Variants in NBAS observed in about 807,000 individuals in gnomAD.
The protein encoded by NBAS is NBAS subunit of NRZ tethering complex, also known as NAG/BC035112 fusion.
NBAS carries 219 observed loss-of-function variants against 302.5 expected under a neutral mutation model. The ratio of observed to expected loss-of-function variants is 0.72; its 90% confidence interval spans 0.65 to 0.81. The LOEUF is 0.81. Ranked by LOEUF, NBAS falls within the 30% of genes least tolerant of loss-of-function variation. NBAS has a pLI of 0.00. For synonymous variants in NBAS, 1,118 were observed against 1,021.6 expected, an observed-to-expected ratio of 1.09 and a Z score of -1.80; for missense variants, 2,932 against 2,841.6, an observed-to-expected ratio of 1.03 and a Z score of -0.72.
chr2:15,376,209 A>G (rs1308846921), intron 30 of NBAS, among the ~76,000 whole-genome samples: 1 of 152,196 alleles, frequency 6.6e-6, no homozygotes, highest in Non-Finnish European at 1.5e-5. Context: ...TCCTGCATTC[A>G]ATATAACTGT....
chr2:14,872,145 G>C, the NBAS span, among the ~76,000 whole-genome samples: 1 of 152,106 alleles, frequency 6.6e-6, no homozygotes, highest in African/African-American at 2.4e-5. Flanking sequence ...AGAGTAAAAA[G>C]ATAAAACAGA....
chr2:15,230,393 C>CAAAA (rs35319491), intron 47 of NBAS, among the ~76,000 whole-genome samples: 3 of 90,518 alleles, frequency 3.3e-5, no homozygotes, highest in East Asian at 3.5e-4. Flanking sequence ...ATTTTTTAGG[C>CAAAA]AAAAAAAAAA....
At chr2:14,996,118 C>T in the NBAS span, among the ~76,000 whole-genome samples, 1 of 152,134 alleles carries the variant, frequency 6.6e-6, no homozygotes, top group East Asian at 1.9e-4. Flanking sequence ...GCTTGGCACA[C>T]AGATCTTCAA....
intron 48 of NBAS, 118 bp downstream of exon 48, chr2:15,218,655 T>C: frequency 5.2e-6 from 7 of 1,335,232 alleles, no homozygotes; most frequent in Non-Finnish European, 7.5e-6. Flanking sequence ...CTTGAACTCC[T>C]GGCCTCAGGT....
At chr2:14,930,191 C>T in the NBAS span, among the ~76,000 whole-genome samples, 9 of 152,154 alleles carry the variant, frequency 5.9e-5, no homozygotes, top group Non-Finnish European at 1.3e-4. Context: ...TTGGACTTCA[C>T]CCTTTTCCTC....
At chr2:15,504,429 T>A (rs892783018) in intron 10 of NBAS, among the ~76,000 whole-genome samples, 5 of 152,260 alleles carry the variant, frequency 3.3e-5, no homozygotes, top group African/African-American at 1.2e-4. Context: ...AAGACATCCA[T>A]GATCAAATGC....
the NBAS span, among the ~76,000 whole-genome samples, chr2:15,076,912 G>A: frequency 6.6e-6 from 1 of 152,182 alleles, no homozygotes; most frequent in South Asian, 2.1e-4. Flanking sequence ...AAGCAAGAAT[G>A]ACACTAAACA....
At chr2:15,260,895 G>T (rs1261564426) in intron 44 of NBAS, among the ~76,000 whole-genome samples, 1 of 152,204 alleles carries the variant, frequency 6.6e-6, no homozygotes, top group South Asian at 2.1e-4. Context: ...CTACTAAGGG[G>T]AGATACATTC....
chr2:15,392,010 T>A (rs746480865), intron 28 of NBAS, among the ~76,000 whole-genome samples: 51 of 132,866 alleles, frequency 3.8e-4, no homozygotes, highest in Non-Finnish European at 5.4e-4. Context: ...ATCACTGGCA[T>A]CCTAGCACTA....
chr2:14,976,348 C>G, the NBAS span, among the ~76,000 whole-genome samples: 5,770 of 152,144 alleles, frequency 0.038, 279 homozygotes, highest in Admixed American at 0.095. Flanking sequence ...GGAAAGAGCT[C>G]CACAAATCTG....
chr2:15,284,115 C>G (rs749781973), intron 42 of NBAS, among the ~76,000 whole-genome samples: 2 of 146,478 alleles, frequency 1.4e-5, no homozygotes, highest in African/African-American at 2.5e-5. Context: ...CTATTTAAAA[C>G]TAGCAAGACA....
At chr2:15,280,149 T>C (rs186342502) in intron 42 of NBAS, among the ~76,000 whole-genome samples, 98 of 152,340 alleles carry the variant, frequency 6.4e-4, no homozygotes, top group Middle Eastern at 3.4e-3. Flanking sequence ...ACTAATCTCA[T>C]GATTAAGGTG....
At chr2:15,414,106 C>A (rs931082308) in intron 25 of NBAS, among the ~76,000 whole-genome samples, 2 of 152,162 alleles carry the variant, frequency 1.3e-5, no homozygotes, top group African/African-American at 4.8e-5. Context: ...GACCTCACCA[C>A]CCCAAACTTA....
At chr2:15,273,219 G>A (rs190739504) in intron 44 of NBAS, among the ~76,000 whole-genome samples, 1 of 152,296 alleles carries the variant, frequency 6.6e-6, no homozygotes, top group Non-Finnish European at 1.5e-5. Context: ...AGCCCCGAAG[G>A]TTAGTTCACA....
chr2:15,172,434 G>A (rs569417646), intron 51 of NBAS, among the ~76,000 whole-genome samples: 1 of 152,186 alleles, frequency 6.6e-6, no homozygotes, highest in Admixed American at 6.5e-5. Context: ...ATTGTTTACA[G>A]TTCTGTTTCG....
the NBAS span, among the ~76,000 whole-genome samples, chr2:14,941,261 T>G: frequency 6.6e-6 from 1 of 152,234 alleles, no homozygotes; most frequent in East Asian, 1.9e-4. Flanking sequence ...CCAGATGATC[T>G]ATGTTTATAT....
At chr2:15,549,781 A>T (rs1664291344) in intron 6 of NBAS, among the ~76,000 whole-genome samples, 1 of 152,088 alleles carries the variant, frequency 6.6e-6, no homozygotes, top group Non-Finnish European at 1.5e-5. Flanking sequence ...ACAGGCTCCC[A>T]GGGCTTGGTA....
intron 40 of NBAS, among the ~76,000 whole-genome samples, chr2:15,306,655 G>A (rs762857007): frequency 4.6e-5 from 7 of 151,982 alleles, no homozygotes; most frequent in Non-Finnish European, 7.4e-5. Context: ...TCTACCATGT[G>A]GAAGAACTAT....
At chr2:14,814,127 C>T in the NBAS span, among the ~76,000 whole-genome samples, 1 of 152,230 alleles carries the variant, frequency 6.6e-6, no homozygotes. Flanking sequence ...GATGTCCAGG[C>T]AGAAGTCTGC....
Sources: allele counts gnomAD v4.1 joint callset (sites outside exome capture counted in the v4.1 genomes callset), GRCh38; gene constraint gnomAD v4.1.1; transcripts MANE v1.5; gene names NCBI Gene and HGNC (gene_info 2026-07-23, HGNC 2026-07-21).